The following CPEB3 variants were observed in gnomAD, a reference collection of about 807,000 sequenced individuals.
The protein encoded by CPEB3 is cytoplasmic polyadenylation element-binding protein 3.
A neutral mutation model predicts 67.2 loss-of-function variants in CPEB3; 20 were observed. The observed-to-expected ratio is 0.30, with a 90% confidence interval of 0.21 to 0.43. CPEB3 has a LOEUF of 0.43. CPEB3 is among the 20% of genes least tolerant of loss of function. The probability of loss-of-function intolerance (pLI) is 1.00; values close to 1 mark genes in which losing one functional copy is unlikely to be tolerated. For synonymous variants in CPEB3, 376 were observed against 393.1 expected, an observed-to-expected ratio of 0.96 and a Z score of 0.51; for missense variants, 746 against 968.6, an observed-to-expected ratio of 0.77 and a Z score of 3.05.
intron 1 of CPEB3, among the ~76,000 whole-genome samples, chr10:92,252,826 C>T (rs2134803982): frequency 6.6e-6 from 1 of 152,014 alleles, no homozygotes; most frequent in South Asian, 2.1e-4. Context: ...GGCCTGACTC[C>T]AACTGTATAA....
intron 6 of CPEB3, among the ~76,000 whole-genome samples, chr10:92,133,139 C>T (rs1045977819): frequency 6.6e-6 from 1 of 151,986 alleles, no homozygotes; most frequent in Non-Finnish European, 1.5e-5. Flanking sequence ...AATTCAAAAG[C>T]TAGCAGAAGG....
At chr10:92,067,541 G>C (rs1473615268) in intron 9 of CPEB3, among the ~76,000 whole-genome samples, 1 of 148,088 alleles carries the variant, frequency 6.8e-6, no homozygotes, top group Non-Finnish European at 1.5e-5. Flanking sequence ...GTGGCAGGCT[G>C]GGCGCAGTGG....
intron 2 of CPEB3, among the ~76,000 whole-genome samples, chr10:92,223,749 A>ATT (rs377483708): frequency 1.1e-3 from 125 of 111,438 alleles, no homozygotes; most frequent in East Asian, 1.9e-3. Context: ...AATTTTTGTA[A>ATT]TTTTTTTTTT....
In CPEB3 at chr10:92,240,128, A is replaced by T. The variant is rs1161943557; in HGVS notation, c.223T>A (p.Ser75Thr). Residue 75 changes from serine (S) to threonine (T), a missense_variant, in exon 2 of 10, where the codon TCA becomes ACA. Coordinates refer to ENST00000265997, the MANE Select transcript of CPEB3 (RefSeq NM_014912.5). ...PNGPDKMQME[S>T]PLLPGLSFHQ... Reference sequence around the variant, plus strand: ...AAACTCAAGCCTGGCAGGAGCGGTGATTCCATCTGCATCTTGTCCGGGCCG... The same window carrying T: ...AAACTCAAGCCTGGCAGGAGCGGTGTTTCCATCTGCATCTTGTCCGGGCCG... The T allele has an allele frequency of 6.4e-7, 1 of 1,572,932 alleles. No homozygotes were observed. Among genetic ancestry groups the T allele is most frequent in the Non-Finnish European group, 8.6e-7 (1 of 1,158,768 alleles).
chr10:92,143,178 G>T, intron 5 of CPEB3, 60 bp from the exon 6 acceptor site: 1 of 1,284,672 alleles, frequency 7.8e-7, no homozygotes, highest in Non-Finnish European at 1.1e-6. Context: ...CAGAAAACCA[G>T]AAGAGCACAA....
chr10:92,279,478 TC>T (rs1289517270), intron 1 of CPEB3, among the ~76,000 whole-genome samples: 1 of 152,170 alleles, frequency 6.6e-6, no homozygotes. Flanking sequence ...CTTTCATTTT[TC>T]CTTCACAGTA....
At chr10:92,072,050 A>G (rs1842773551) in intron 9 of CPEB3, among the ~76,000 whole-genome samples, 1 of 152,212 alleles carries the variant, frequency 6.6e-6, no homozygotes, top group African/African-American at 2.4e-5. Context: ...AAGGAATATA[A>G]GCAAAATTTA....
chr10:92,098,160 T>TAAAAAAAAAAAAAAAAAAAA (rs1166249584), intron 7 of CPEB3, among the ~76,000 whole-genome samples: 1 of 36,106 alleles, frequency 2.8e-5, no homozygotes, highest in Non-Finnish European at 4.7e-5. Context: ...ACACTCTGCC[T>TAAAAAAAAAAAAAAAAAAAA]AAAAAAAAAA....
At chr10:92,289,167 C>T (rs1048899240) in intron 1 of CPEB3, among the ~76,000 whole-genome samples, 1 of 152,110 alleles carries the variant, frequency 6.6e-6, no homozygotes, top group East Asian at 1.9e-4. Context: ...CACCTGAACC[C>T]GGAGGAGGAG....
chr10:92,061,918 A>G (rs983834459), intron 9 of CPEB3, among the ~76,000 whole-genome samples: 20 of 152,186 alleles, frequency 1.3e-4, no homozygotes, highest in African/African-American at 4.8e-4. Flanking sequence ...GCATACCTAT[A>G]TCAAAATATC....
At chr10:92,055,626 C>T (rs1479517773) in intron 9 of CPEB3, among the ~76,000 whole-genome samples, 1 of 152,162 alleles carries the variant, frequency 6.6e-6, no homozygotes, top group Non-Finnish European at 1.5e-5. Flanking sequence ...AAACACCTTC[C>T]AAACACCTCT....
chr10:92,246,103 A>T (rs1178563153), intron 1 of CPEB3, among the ~76,000 whole-genome samples: 2 of 151,976 alleles, frequency 1.3e-5, no homozygotes, highest in African/African-American at 4.8e-5. Flanking sequence ...TGGGAGGCCA[A>T]GGCAGGCGGA....
intron 2 of CPEB3, among the ~76,000 whole-genome samples, chr10:92,231,711 ACTTTTCTTTT>A (rs375839778): frequency 3.3e-5 from 5 of 151,688 alleles, no homozygotes; most frequent in Admixed American, 6.6e-5. Flanking sequence ...AGCTTAATCA[ACTTTTCTTTT>A]CTTTTCTTTT....
At chr10:92,188,090 G>A (rs1848778235) in intron 3 of CPEB3, among the ~76,000 whole-genome samples, 1 of 152,004 alleles carries the variant, frequency 6.6e-6, no homozygotes. Flanking sequence ...CAGCTACTTA[G>A]GGAGCTGAGG....
At chr10:92,143,649 T>C (rs1846545176) in intron 5 of CPEB3, among the ~76,000 whole-genome samples, 1 of 152,178 alleles carries the variant, frequency 6.6e-6, no homozygotes, top group Admixed American at 6.5e-5. Context: ...ACGTACCCTA[T>C]ATAGAAAATA....
intron 6 of CPEB3, chr10:92,138,195 T>C: frequency 4.6e-6 from 1 of 218,846 alleles, no homozygotes. Context: ...TTTCTTCAGT[T>C]ATCAACTGTG....
chr10:92,104,462 C>CT (rs1344334923), intron 7 of CPEB3, among the ~76,000 whole-genome samples: 3 of 150,126 alleles, frequency 2.0e-5, no homozygotes, highest in African/African-American at 7.4e-5. Flanking sequence ...TCTCGGCTCA[C>CT]TGCAAGCCCC....
chr10:92,208,732 C>A (rs1169542362), intron 2 of CPEB3, among the ~76,000 whole-genome samples: 1 of 151,776 alleles, frequency 6.6e-6, no homozygotes, highest in African/African-American at 2.4e-5. Flanking sequence ...TAGCTGAGAC[C>A]ACAGGTGCAC....
At chr10:92,106,814 C>CAAAAAAAAAAAAAAAAAAAAA (rs531195477) in intron 7 of CPEB3, among the ~76,000 whole-genome samples, 24 of 55,968 alleles carry the variant, frequency 4.3e-4, no homozygotes, top group African/African-American at 1.5e-3. Flanking sequence ...GACTCTGTCT[C>CAAAAAAAAAAAAAAAAAAAAA]AAAAAAAAAA....
Sources: gnomAD v4.1 joint callset for allele counts (sites outside exome capture counted in the v4.1 genomes callset) on GRCh38, gnomAD v4.1.1 for gene constraint, MANE v1.5 for transcripts, NCBI Gene and HGNC (gene_info 2026-07-23, HGNC 2026-07-21) for gene names.